TBC1D19: variants seen among roughly 807,000 people sequenced by gnomAD.
TBC1D19 encodes the protein TBC1 domain family member 19.
A neutral mutation model predicts 89.0 loss-of-function variants in TBC1D19; 60 were observed. That is an observed-to-expected ratio of 0.67 (90% CI 0.55 to 0.84). TBC1D19 has a LOEUF of 0.84. Among genes scored for constraint, TBC1D19 ranks in the 40% least tolerant of loss-of-function variants. The pLI is 0.00. For missense variants in TBC1D19, 500 were observed against 610.8 expected (o/e 0.82, Z 1.91); for synonymous variants, 189 against 199.7 (o/e 0.95, Z 0.45).
At chr4:26,729,038 T>C (rs991891885) in intron 15 of TBC1D19, among the ~76,000 whole-genome samples, 1 of 151,870 alleles carries the variant, frequency 6.6e-6, no homozygotes, top group African/African-American at 2.4e-5. Flanking sequence ...AAGAAAAGAG[T>C]CTTACTGTTG....
chr4:26,820,719 C>T, the TBC1D19 span, among the ~76,000 whole-genome samples: 1 of 152,150 alleles, frequency 6.6e-6, no homozygotes, highest in Non-Finnish European at 1.5e-5. Context: ...GGATCATATG[C>T]TAATTCTATA....
At chr4:26,827,705 GTT>G in the TBC1D19 span, among the ~76,000 whole-genome samples, 15 of 140,154 alleles carry the variant, frequency 1.1e-4, no homozygotes, top group Admixed American at 9.0e-4. Flanking sequence ...TTCTTTTTTT[GTT>G]TTTTGTTTTG....
At chr4:26,650,448 T>A (rs1046499478) in intron 7 of TBC1D19, among the ~76,000 whole-genome samples, 7 of 152,226 alleles carry the variant, frequency 4.6e-5, no homozygotes, top group African/African-American at 1.7e-4. Context: ...TTGATTTGCA[T>A]TTCTCTGATG....
chr4:26,771,869 A>G, the TBC1D19 span, among the ~76,000 whole-genome samples: 5 of 152,232 alleles, frequency 3.3e-5, no homozygotes, highest in African/African-American at 7.2e-5. Context: ...CAAAATAAGT[A>G]GAATAAGGAA....
chr4:26,662,692 G>T (rs1186447141), intron 8 of TBC1D19, among the ~76,000 whole-genome samples: 1 of 152,078 alleles, frequency 6.6e-6, no homozygotes, highest in Non-Finnish European at 1.5e-5. Flanking sequence ...GAATCAGTGT[G>T]GCATCTTACT....
chr4:26,635,170 A>G (rs548874983), intron 4 of TBC1D19, among the ~76,000 whole-genome samples: 1 of 152,260 alleles, frequency 6.6e-6, no homozygotes, highest in Admixed American at 6.5e-5. Context: ...TGATCATTTA[A>G]TTAGAAGTAT....
At chr4:26,720,189 A>G in intron 15 of TBC1D19, 64 bp downstream of exon 15, 1 of 1,270,064 alleles carries the variant, frequency 7.9e-7, no homozygotes, top group Non-Finnish European at 1.1e-6. Flanking sequence ...TATAATCAAA[A>G]TGTGACTTTC....
chr4:26,732,019 T>C (rs1387505062), intron 15 of TBC1D19, among the ~76,000 whole-genome samples: 3 of 152,194 alleles, frequency 2.0e-5, no homozygotes, highest in Non-Finnish European at 4.4e-5. Flanking sequence ...TGACTACTTC[T>C]TCCTTCCTTC....
chr4:26,646,529 A>G (rs566936080), intron 7 of TBC1D19, among the ~76,000 whole-genome samples: 3 of 152,264 alleles, frequency 2.0e-5, no homozygotes, highest in Non-Finnish European at 4.4e-5. Context: ...TTATTGCGGT[A>G]CTATTCACAA....
chr4:26,656,810 C>T (rs377028026), intron 7 of TBC1D19, among the ~76,000 whole-genome samples: 1 of 152,224 alleles, frequency 6.6e-6, no homozygotes, highest in Non-Finnish European at 1.5e-5. Flanking sequence ...CTGCCTGCCT[C>T]GGCCTCCCAA....
intron 11 of TBC1D19, 116 bp from the exon 12 acceptor site, chr4:26,683,559 C>T: frequency 1.4e-6 from 1 of 716,812 alleles, no homozygotes; most frequent in Middle Eastern, 3.8e-4. Context: ...TATAGTAGTG[C>T]CTAACACTGA....
intron 7 of TBC1D19, among the ~76,000 whole-genome samples, chr4:26,652,623 A>G (rs1402901127): frequency 2.0e-5 from 3 of 152,098 alleles, no homozygotes; most frequent in African/African-American, 7.2e-5. Context: ...GAATTTATCC[A>G]TTTCTTCTAG....
chr4:26,580,295 T>G (rs1363825732), upstream of TBC1D19, among the ~76,000 whole-genome samples: 1 of 152,194 alleles, frequency 6.6e-6, no homozygotes, highest in Non-Finnish European at 1.5e-5. Flanking sequence ...CATAAAGGTC[T>G]TTGTGAACCT....
At chr4:26,585,749 A>G (rs1373196347) in intron 1 of TBC1D19, among the ~76,000 whole-genome samples, 2 of 151,970 alleles carry the variant, frequency 1.3e-5, no homozygotes, top group East Asian at 3.9e-4. Context: ...ATGCCCAGCT[A>G]ATTTTTTATG....
At chr4:26,605,788 A>T (rs1200107456) in intron 1 of TBC1D19, among the ~76,000 whole-genome samples, 1 of 151,522 alleles carries the variant, frequency 6.6e-6, no homozygotes, top group East Asian at 1.9e-4. Flanking sequence ...TTTGATTTGC[A>T]TTTCTCTGAT....
chr4:26,715,832 A>G (rs1716560570), intron 13 of TBC1D19, among the ~76,000 whole-genome samples: 8 of 152,210 alleles, frequency 5.3e-5, no homozygotes, highest in Admixed American at 5.2e-4. Flanking sequence ...CTTCATTCCT[A>G]GAGGAGGATC....
intron 3 of TBC1D19, among the ~76,000 whole-genome samples, chr4:26,618,279 G>T (rs192724961): frequency 6.6e-6 from 1 of 152,156 alleles, no homozygotes; most frequent in South Asian, 2.1e-4. Flanking sequence ...ACGTAAGGCC[G>T]GCATTTAACT....
chr4:26,847,575 A>T, the TBC1D19 span, among the ~76,000 whole-genome samples: 1 of 152,188 alleles, frequency 6.6e-6, no homozygotes, highest in Non-Finnish European at 1.5e-5. Context: ...GCAATAGGAA[A>T]TGAGGTCAGA....
At position 26,718,037 on chromosome 4, in the gene TBC1D19, A is replaced by T. The variant is rs1411196531; in HGVS notation, c.1039+20A>T. ...TAAGAGGTAAATTTTTAATAATTTT[A>T]AGGAAGTATTAAGACTTACATAATC... On this transcript the variant is annotated intron_variant, in intron 14 of 20. Coordinates refer to ENST00000264866, the MANE Select transcript of TBC1D19 (RefSeq NM_018317.4). 6.4e-7 allele frequency: 1 copy of T among 1,572,996 alleles called. No homozygotes were observed. Among genetic ancestry groups the T allele is most frequent in the Non-Finnish European group, 8.7e-7 (1 of 1,145,496 alleles).
Sources: allele counts gnomAD v4.1 joint callset (sites outside exome capture counted in the v4.1 genomes callset), GRCh38; gene constraint gnomAD v4.1.1; transcripts MANE v1.5; gene names NCBI Gene and HGNC (gene_info 2026-07-23, HGNC 2026-07-21).